Variants in NAALADL2 observed in about 807,000 individuals in gnomAD.
NAALADL2 encodes the protein inactive N-acetylated-alpha-linked acidic dipeptidase-like protein 2.
Under a neutral mutation model 87.2 loss-of-function variants are expected in NAALADL2, and 76 were observed. The observed-to-expected ratio is 0.87, with a 90% CI of 0.72 to 1.05. The LOEUF is 1.05. Ranked by LOEUF, NAALADL2 falls within the 50% of genes least tolerant of loss-of-function variation. NAALADL2 has a pLI of 0.00. For synonymous variants in NAALADL2, 354 were observed against 331.0 expected, an observed-to-expected ratio of 1.07 and a Z score of -0.75; for missense variants, 1,089 against 945.8, an observed-to-expected ratio of 1.15 and a Z score of -1.99.
intron 9 of NAALADL2, among the ~76,000 whole-genome samples, chr3:175,565,018 C>A (rs945723413): frequency 6.6e-6 from 1 of 152,162 alleles, no homozygotes; most frequent in Admixed American, 6.5e-5. Context: ...ACTTCCATTT[C>A]TTTTACATTG....
At chr3:174,680,454 A>C (rs1185446119) in intron 2 of NAALADL2, among the ~76,000 whole-genome samples, 1 of 152,146 alleles carries the variant, frequency 6.6e-6, no homozygotes, top group Non-Finnish European at 1.5e-5. Flanking sequence ...TCCCACATAG[A>C]ATGGCACTAC....
chr3:174,673,775 A>G (rs113000904), intron 2 of NAALADL2, among the ~76,000 whole-genome samples: 11 of 152,142 alleles, frequency 7.2e-5, no homozygotes, highest in African/African-American at 2.4e-4. Context: ...AGTATACTCT[A>G]TATTTCAAAA....
chr3:174,566,028 A>G (rs1010890606), intron 2 of NAALADL2, among the ~76,000 whole-genome samples: 3 of 151,500 alleles, frequency 2.0e-5, no homozygotes, highest in Non-Finnish European at 4.4e-5. Context: ...CAAATTTTGC[A>G]TGTCTTGTTT....
chr3:175,463,701 G>GGGGAGAGAGAGAGAGAGA (rs1283613899), intron 7 of NAALADL2, among the ~76,000 whole-genome samples: 41 of 115,504 alleles, frequency 3.5e-4, no homozygotes, highest in South Asian at 5.3e-4. Context: ...CTTAGTCGGG[G>GGGGAGAGAGAGAGAGAGA]GAGAGAGAGA....
intron 3 of NAALADL2, among the ~76,000 whole-genome samples, chr3:174,833,077 C>G (rs920483955): frequency 3.9e-5 from 6 of 152,104 alleles, no homozygotes; most frequent in African/African-American, 1.4e-4. Context: ...ATAGTATTAA[C>G]TTTTAAATAC....
At chr3:175,492,110 A>G (rs1439587085) in intron 9 of NAALADL2, among the ~76,000 whole-genome samples, 2 of 152,200 alleles carry the variant, frequency 1.3e-5, no homozygotes, top group African/African-American at 4.8e-5. Flanking sequence ...AATTTTTTCA[A>G]AAGAATTTCC....
At chr3:175,793,624 A>G (rs1349954272) in intron 13 of NAALADL2, among the ~76,000 whole-genome samples, 4 of 152,120 alleles carry the variant, frequency 2.6e-5, no homozygotes, top group Admixed American at 6.5e-5. Flanking sequence ...CCAAAGCAGC[A>G]TTTTCTAACC....
At chr3:174,801,644 T>G (rs1718844788) in intron 3 of NAALADL2, among the ~76,000 whole-genome samples, 3 of 152,182 alleles carry the variant, frequency 2.0e-5, no homozygotes, top group Non-Finnish European at 4.4e-5. Flanking sequence ...TAGATGCCCT[T>G]TATCAATTTG....
chr3:174,488,996 A>G (rs1224803296), intron 1 of NAALADL2, among the ~76,000 whole-genome samples: 1 of 152,006 alleles, frequency 6.6e-6, no homozygotes, highest in Admixed American at 6.6e-5. Context: ...TGTTATCACC[A>G]TTGGTATTGA....
intron 13 of NAALADL2, among the ~76,000 whole-genome samples, chr3:175,785,163 T>A (rs1399427736): frequency 2.0e-5 from 3 of 150,210 alleles, no homozygotes; most frequent in Non-Finnish European, 3.0e-5. Context: ...TGTGGTGCTG[T>A]AAAAAATGTA....
At chr3:174,630,257 G>T (rs1040997773) in intron 2 of NAALADL2, among the ~76,000 whole-genome samples, 3 of 151,820 alleles carry the variant, frequency 2.0e-5, no homozygotes, top group Non-Finnish European at 4.4e-5. Context: ...TAGATATTTA[G>T]TAGGTATTTT....
At chr3:175,180,984 T>C (rs1205770168) in intron 2 of NAALADL2, among the ~76,000 whole-genome samples, 1 of 152,056 alleles carries the variant, frequency 6.6e-6, no homozygotes, top group African/African-American at 2.4e-5. Context: ...ATAACTGTGC[T>C]ATATAGCTGT....
intron 5 of NAALADL2, among the ~76,000 whole-genome samples, chr3:175,332,365 A>G (rs2110505738): frequency 6.6e-6 from 1 of 152,344 alleles, no homozygotes; most frequent in African/African-American, 2.4e-5. Flanking sequence ...GTATTGGTAT[A>G]AAAACAGAAA....
intron 1 of NAALADL2, among the ~76,000 whole-genome samples, chr3:174,967,610 C>T (rs571574338): frequency 3.5e-4 from 53 of 152,244 alleles, no homozygotes; most frequent in Middle Eastern, 3.4e-3. Context: ...TCCCTGAGAT[C>T]ACAGACTCTA....
intron 1 of NAALADL2, among the ~76,000 whole-genome samples, chr3:175,036,390 AT>A (rs534873999): frequency 0.028 from 4,144 of 147,660 alleles, 196 homozygotes; most frequent in African/African-American, 0.095. Context: ...GTAGAACACA[AT>A]TTTTTTTTTT....
intron 5 of NAALADL2, among the ~76,000 whole-genome samples, chr3:175,337,745 AT>A (rs1332669140): frequency 1.3e-5 from 2 of 152,208 alleles, no homozygotes; most frequent in Non-Finnish European, 2.9e-5. Context: ...TGACTTTATC[AT>A]ATAAAGTACA....
At chr3:174,801,060 T>G (rs1718774763) in intron 3 of NAALADL2, among the ~76,000 whole-genome samples, 1 of 152,182 alleles carries the variant, frequency 6.6e-6, no homozygotes, top group Non-Finnish European at 1.5e-5. Flanking sequence ...CAGATGAGAC[T>G]TGGGACTACA....
chr3:175,701,329 T>A (rs945118665), intron 11 of NAALADL2, among the ~76,000 whole-genome samples: 1 of 152,094 alleles, frequency 6.6e-6, no homozygotes, highest in Non-Finnish European at 1.5e-5. Context: ...GTCTGGCTGT[T>A]TTCAGTTGAT....
intron 3 of NAALADL2, among the ~76,000 whole-genome samples, chr3:174,744,363 A>G (rs1381639074): frequency 1.3e-5 from 2 of 152,034 alleles, no homozygotes; most frequent in African/African-American, 4.8e-5. Context: ...CTAGCATTAC[A>G]TAGTGGTAAA....
Sources: allele counts gnomAD v4.1 joint callset (sites outside exome capture counted in the v4.1 genomes callset), GRCh38; gene constraint gnomAD v4.1.1; transcripts MANE v1.5; gene names NCBI Gene and HGNC (gene_info 2026-07-23, HGNC 2026-07-21).